MINDY3: variants seen among roughly 807,000 people sequenced by gnomAD.
The protein encoded by MINDY3 is ubiquitin carboxyl-terminal hydrolase MINDY-3.
In MINDY3, 38 loss-of-function variants were observed where a neutral mutation model predicts 69.2. That is an observed-to-expected ratio of 0.55 (90% CI 0.42 to 0.72). The LOEUF is 0.72. MINDY3 is among the 30% of genes least tolerant of loss of function. The pLI is 0.00. For missense variants in MINDY3, 522 were observed against 519.0 expected (o/e 1.01, Z -0.06); for synonymous variants, 192 against 180.1 (o/e 1.07, Z -0.53).
chr10:15,811,723 T>G (rs768452403), intron 10 of MINDY3, among the ~76,000 whole-genome samples: 1 of 152,052 alleles, frequency 6.6e-6, no homozygotes, highest in Non-Finnish European at 1.5e-5. Context: ...CTAATTTGCT[T>G]CAGGAAAAAA....
chr10:15,842,960 C>A (rs1373635794), intron 3 of MINDY3, among the ~76,000 whole-genome samples: 2 of 148,246 alleles, frequency 1.3e-5, no homozygotes, highest in Admixed American at 1.3e-4. Flanking sequence ...CCTAACAGTT[C>A]TAGGAAATGC....
chr10:15,826,884 T>C (rs559631205), intron 8 of MINDY3, among the ~76,000 whole-genome samples: 1 of 151,580 alleles, frequency 6.6e-6, no homozygotes, highest in Non-Finnish European at 1.5e-5. Flanking sequence ...AAATACAAAA[T>C]CCAGATAGAC....
intron 4 of MINDY3, among the ~76,000 whole-genome samples, chr10:15,838,862 G>C (rs917893198): frequency 6.6e-6 from 1 of 151,696 alleles, no homozygotes; most frequent in Admixed American, 6.6e-5. Flanking sequence ...ATTTTAATCA[G>C]AGGTAATGTT....
intron 6 of MINDY3, among the ~76,000 whole-genome samples, chr10:15,834,887 A>G (rs1832971452): frequency 6.6e-6 from 1 of 152,094 alleles, no homozygotes; most frequent in African/African-American, 2.4e-5. Context: ...GAGAGAATTA[A>G]CTTTTAATAG....
rs144800311 is a variant in MINDY3, at chr10:15,846,880, C to T, written c.174+984G>A. On this transcript the variant is annotated intron_variant, in intron 2 of 14. Transcript: ENST00000277632. ...CTGGGACTACAGGTGCCCACCACCACGCCCGGCTAGTTTTTTGTATTTTTA... is the reference window on the plus strand; with the variant it reads ...CTGGGACTACAGGTGCCCACCACCATGCCCGGCTAGTTTTTTGTATTTTTA... 5.5e-3 allele frequency among the ~76,000 whole-genome samples: 837 copies of T among 152,102 alleles called. 5 individuals carry two copies. Among genetic ancestry groups the T allele is most frequent in the African/African-American group, 0.018 (765 of 41,482 alleles).
chr10:15,802,195 T>C (rs985114959), intron 10 of MINDY3, among the ~76,000 whole-genome samples: 1 of 152,050 alleles, frequency 6.6e-6, no homozygotes, highest in Non-Finnish European at 1.5e-5. Flanking sequence ...TGCAGGGGGT[T>C]AGCACCCCAA....
chr10:15,780,102 A>G (rs1836408119), intron 14 of MINDY3, among the ~76,000 whole-genome samples: 1 of 152,178 alleles, frequency 6.6e-6, no homozygotes, highest in South Asian at 2.1e-4. Context: ...GCTGATACAC[A>G]TGAGTGTAAT....
intron 8 of MINDY3, among the ~76,000 whole-genome samples, chr10:15,829,691 T>C (rs1455298343): frequency 5.3e-5 from 8 of 152,120 alleles, no homozygotes; most frequent in Admixed American, 5.2e-4. Context: ...CAGAATATAC[T>C]GGAGTGGAAT....
At chr10:15,780,374 C>T (rs1483130103) in intron 14 of MINDY3, among the ~76,000 whole-genome samples, 1 of 152,120 alleles carries the variant, frequency 6.6e-6, no homozygotes, top group African/African-American at 2.4e-5. Context: ...GACATTGAAA[C>T]TACAACTCGG....
At chr10:15,856,153 T>C (rs1834676239) in intron 1 of MINDY3, among the ~76,000 whole-genome samples, 1 of 152,042 alleles carries the variant, frequency 6.6e-6, no homozygotes, top group Non-Finnish European at 1.5e-5. Flanking sequence ...ATTAATGATG[T>C]TGGTGTGTCA....
intron 13 of MINDY3, among the ~76,000 whole-genome samples, chr10:15,784,515 C>A (rs745325088): frequency 3.3e-5 from 5 of 152,074 alleles, no homozygotes; most frequent in Non-Finnish European, 7.4e-5. Context: ...AAGGCCAGGA[C>A]GGGTGGAACA....
intron 7 of MINDY3, among the ~76,000 whole-genome samples, chr10:15,834,223 C>T (rs1456375781): frequency 1.3e-5 from 2 of 151,800 alleles, no homozygotes; most frequent in African/African-American, 4.8e-5. Flanking sequence ...CAGAGAAGCA[C>T]TTACAAAGAT....
rs563818445 is a variant in MINDY3 at position 15,838,283 on chromosome 10, T to C, written c.410-4A>G. Reference sequence around the variant, plus strand: ...AGCTCTTCGACAGCCAAGGCAGCTATACATAAAAGACACTTTTCAGCACTA... The same window carrying C: ...AGCTCTTCGACAGCCAAGGCAGCTACACATAAAAGACACTTTTCAGCACTA... On this transcript the variant is annotated splice_region_variant and splice_polypyrimidine_tract_variant and intron_variant, in intron 4 of 14. Coordinates refer to ENST00000277632, the MANE Select transcript of MINDY3 (RefSeq NM_024948.4). 6.2e-6 allele frequency: 10 copies of C among 1,600,492 alleles called. No individual in the cohort carries two copies. The highest frequency in any genetic ancestry group is 5.3e-5 in the Admixed American group (3 of 56,716).
intron 14 of MINDY3, among the ~76,000 whole-genome samples, chr10:15,779,636 A>C (rs982508773): frequency 1.3e-5 from 2 of 152,200 alleles, no homozygotes; most frequent in African/African-American, 2.4e-5. Context: ...GCTGAAACCA[A>C]TTTGAATGTT....
intron 1 of MINDY3, among the ~76,000 whole-genome samples, chr10:15,852,836 T>G (rs1056743310): frequency 2.0e-4 from 31 of 152,094 alleles, no homozygotes; most frequent in African/African-American, 7.2e-4. Context: ...TGGAAAATAT[T>G]TGAGGGTGGG....
chr10:15,824,355 C>T (rs190063982), intron 8 of MINDY3, among the ~76,000 whole-genome samples: 6 of 152,188 alleles, frequency 3.9e-5, no homozygotes. Flanking sequence ...ATTTGTAGTT[C>T]TCTCATGATC....
intron 1 of MINDY3, among the ~76,000 whole-genome samples, chr10:15,850,358 A>C (rs1834194134): frequency 6.6e-6 from 1 of 152,244 alleles, no homozygotes; most frequent in Non-Finnish European, 1.5e-5. Context: ...GGAGATGATC[A>C]TTAGGTCTGA....
chr10:15,786,795 C>T, intron 12 of MINDY3, 147 bp from the exon 13 acceptor site: 1 of 600,592 alleles, frequency 1.7e-6, no homozygotes, highest in Non-Finnish European at 3.0e-6. Flanking sequence ...GACAAATACA[C>T]AGGAATGACA....
intron 1 of MINDY3, among the ~76,000 whole-genome samples, chr10:15,857,436 C>A (rs1351974614): frequency 6.6e-6 from 1 of 152,130 alleles, no homozygotes; most frequent in African/African-American, 2.4e-5. Context: ...TTCCCTCCCA[C>A]CCTACTGACT....
Sources: allele counts gnomAD v4.1 joint callset (sites outside exome capture counted in the v4.1 genomes callset), GRCh38; gene constraint gnomAD v4.1.1; transcripts MANE v1.5; gene names NCBI Gene and HGNC (gene_info 2026-07-23, HGNC 2026-07-21).